Variants in KCNJ6 observed in about 807,000 individuals in gnomAD.
The protein encoded by KCNJ6 is G protein-activated inward rectifier potassium channel 2.
Under a neutral mutation model 34.2 loss-of-function variants are expected in KCNJ6, and 9 were observed. That is an observed-to-expected ratio of 0.26 (90% confidence interval 0.16 to 0.46). The LOEUF (loss-of-function observed/expected upper bound fraction) is 0.46, where lower values mean the gene tolerates loss of function less well. Ranked by LOEUF, KCNJ6 falls within the 20% of genes least tolerant of loss-of-function variation. The probability of loss-of-function intolerance (pLI) is 1.00; values close to 1 mark genes in which losing one functional copy is unlikely to be tolerated. For missense variants in KCNJ6, 236 were observed against 531.3 expected, an observed-to-expected ratio of 0.44 and a Z score of 5.46; for synonymous variants, 196 against 207.1, an observed-to-expected ratio of 0.95 and a Z score of 0.46.
rs149238166 is a variant in KCNJ6, at chr21:37,873,248, C to T, written c.-27-32539G>A. 3.4e-3 allele frequency among the ~76,000 whole-genome samples: 516 copies of T among 152,282 alleles called. 1 individual carries two copies. Among genetic ancestry groups the T allele is most frequent in the African/African-American group, 0.012 (491 of 41,568 alleles). ...ATTAATATCATAACACTGAGACTGC[C>T]GACGATGGCTGTCATTGATTCCAGC... On this transcript the variant is annotated intron_variant, in intron 1 of 3. Coordinates refer to ENST00000609713, the MANE Select transcript of KCNJ6 (RefSeq NM_002240.5).
intron 2 of KCNJ6, among the ~76,000 whole-genome samples, chr21:37,781,738 T>G (rs923133535): frequency 2.0e-5 from 3 of 152,176 alleles, no homozygotes; most frequent in Middle Eastern, 3.2e-3. Flanking sequence ...TTGCATAGTA[T>G]TTTAGGTCAA....
rs2054295965 is a variant in KCNJ6, at chr21:37,623,254, C to A, written c.*1905G>T. 6.6e-6 allele frequency: 1 copy of A among 152,222 alleles called. No individual in the cohort carries two copies. The highest frequency in any genetic ancestry group is 1.5e-5 in the Non-Finnish European group (1 of 68,068). 9.4% of individuals were successfully genotyped at this position (152,222 alleles called of 1,614,324 possible). A position where few individuals can be genotyped will look rare whatever the true frequency, so the allele number is the denominator to read the frequency against. On this transcript the variant is annotated 3_prime_UTR_variant, in exon 4 of 4. Coordinates refer to ENST00000609713, the MANE Select transcript of KCNJ6 (RefSeq NM_002240.5). The stretch of plus-strand genomic sequence containing the variant: ...TATATTTAGGAGCCACTTTCCTTAT[C>A]CTGGGACTTCTTTTTTAGTAGACAA...
intron 2 of KCNJ6, among the ~76,000 whole-genome samples, chr21:37,819,414 G>C (rs2055363260): frequency 6.6e-6 from 1 of 151,954 alleles, no homozygotes; most frequent in African/African-American, 2.4e-5. Flanking sequence ...ATTATTAGTA[G>C]AATGATTATA....
intron 2 of KCNJ6, among the ~76,000 whole-genome samples, chr21:37,717,582 C>T (rs2054800064): frequency 6.6e-6 from 1 of 152,252 alleles, no homozygotes; most frequent in African/African-American, 2.4e-5. Flanking sequence ...TGAGCTCTCA[C>T]TGCTAATTTT....
At chr21:37,813,632 G>C (rs1049785502) in intron 2 of KCNJ6, among the ~76,000 whole-genome samples, 27 of 152,146 alleles carry the variant, frequency 1.8e-4, no homozygotes, top group African/African-American at 5.5e-4. Context: ...CAACAAAGTT[G>C]CTGATAACAT....
chr21:37,687,464 G>GTTCT (rs1448834527), intron 3 of KCNJ6, among the ~76,000 whole-genome samples: 3 of 152,270 alleles, frequency 2.0e-5, no homozygotes, highest in East Asian at 3.9e-4. Context: ...ATCAGCTACT[G>GTTCT]TTCTGTCCTT....
Position 37,675,684 on chromosome 21 carries a change from T to C in KCNJ6, c.946+38527A>G, listed in dbSNP as rs867150358. Among the ~76,000 whole-genome samples the C allele has an allele frequency of 2.6e-5, 4 of 152,242 alleles. No homozygotes were observed. The highest frequency in any genetic ancestry group is 9.6e-5 in the African/African-American group (4 of 41,470). On this transcript the variant is annotated intron_variant, in intron 3 of 3. Transcript: ENST00000609713. The surrounding 1 kb of genome is among the most constrained non-coding windows in gnomAD (Gnocchi z 4.2). ...GACTCCGCAGGTAGTCACTAGGGGC[T>C]TTCGCTGCTCCTGGAAGCAATTTCA...
intron 2 of KCNJ6, among the ~76,000 whole-genome samples, chr21:37,824,682 G>A (rs1416564056): frequency 2.0e-5 from 3 of 152,058 alleles, no homozygotes; most frequent in East Asian, 1.9e-4. Context: ...GCTTTCCTGC[G>A]CACACTTTCT....
chr21:37,756,752 C>T (rs2055029087), intron 2 of KCNJ6, among the ~76,000 whole-genome samples: 1 of 128,536 alleles, frequency 7.8e-6, no homozygotes, highest in South Asian at 2.5e-4. Context: ...AGCACTCCCT[C>T]ACAGCATGAT....
intron 1 of KCNJ6, among the ~76,000 whole-genome samples, chr21:37,908,372 T>C (rs2055851536): frequency 1.3e-5 from 2 of 152,232 alleles, no homozygotes; most frequent in Non-Finnish European, 2.9e-5. Context: ...ACAAATTACA[T>C]GGTCTATTTT....
At chr21:37,676,624 T>C (rs2054566032) in intron 3 of KCNJ6, among the ~76,000 whole-genome samples, 1 of 152,212 alleles carries the variant, frequency 6.6e-6, no homozygotes, top group African/African-American at 2.4e-5. Context: ...AGCAAGTGGA[T>C]GAGCAAAACC....
At chr21:37,884,588 T>G (rs1261777349) in intron 1 of KCNJ6, among the ~76,000 whole-genome samples, 2 of 152,186 alleles carry the variant, frequency 1.3e-5, no homozygotes, top group African/African-American at 4.8e-5. Context: ...CTCAGAAAAC[T>G]TTCAGGCCTG....
intron 2 of KCNJ6, among the ~76,000 whole-genome samples, chr21:37,775,649 T>A (rs545114021): frequency 3.3e-5 from 5 of 152,324 alleles, no homozygotes; most frequent in Admixed American, 3.3e-4. Flanking sequence ...TTGTCAAAGA[T>A]CAGATAGTTG....
chr21:37,665,738 G>A (rs1411378209), intron 3 of KCNJ6, among the ~76,000 whole-genome samples: 1 of 152,244 alleles, frequency 6.6e-6, no homozygotes, highest in East Asian at 1.9e-4. Flanking sequence ...AAGTATCACA[G>A]ACAATTTTTG....
intron 2 of KCNJ6, among the ~76,000 whole-genome samples, chr21:37,752,607 G>A (rs2055001891): frequency 6.6e-6 from 1 of 152,148 alleles, no homozygotes; most frequent in Non-Finnish European, 1.5e-5. Context: ...CAGACACGCT[G>A]CCACAGGGTC....
At chr21:37,905,433 TC>T (rs1188368877) in intron 1 of KCNJ6, among the ~76,000 whole-genome samples, 1 of 152,162 alleles carries the variant, frequency 6.6e-6, no homozygotes. Flanking sequence ...GCCTGATCAA[TC>T]CTCATTGCCA....
intron 1 of KCNJ6, among the ~76,000 whole-genome samples, chr21:37,885,813 C>T (rs2055732708): frequency 6.6e-6 from 1 of 152,254 alleles, no homozygotes; most frequent in Non-Finnish European, 1.5e-5. Context: ...CTTCTGACAT[C>T]TGGAAGCTGT....
intron 2 of KCNJ6, among the ~76,000 whole-genome samples, chr21:37,816,520 C>T (rs979737513): frequency 2.0e-5 from 3 of 152,222 alleles, no homozygotes; most frequent in Non-Finnish European, 4.4e-5. Context: ...TCCTCCTCGC[C>T]CAATCTTTTG....
At chr21:37,901,178 A>G (rs2055815235) in intron 1 of KCNJ6, among the ~76,000 whole-genome samples, 1 of 152,248 alleles carries the variant, frequency 6.6e-6, no homozygotes, top group Non-Finnish European at 1.5e-5. Flanking sequence ...TGAGCACAGA[A>G]TTCACCAATG....
Sources: gnomAD v4.1 joint callset for allele counts (sites outside exome capture counted in the v4.1 genomes callset) on GRCh38, gnomAD v4.1.1 for gene constraint, Gnocchi (gnomAD v3.1) non-coding constraint, MANE v1.5 for transcripts, NCBI Gene and HGNC (gene_info 2026-07-23, HGNC 2026-07-21) for gene names.